Variants in RAD17 observed in about 807,000 individuals in gnomAD.
RAD17 encodes the protein cell cycle checkpoint protein RAD17.
RAD17 carries 31 observed loss-of-function variants against 81.5 expected under a neutral mutation model. That is an observed-to-expected ratio of 0.38 (90% CI 0.29 to 0.51). RAD17 has a LOEUF of 0.51. Among genes scored for constraint, RAD17 ranks in the 20% least tolerant of loss-of-function variants. The pLI is 0.88. For synonymous variants in RAD17, 261 were observed against 266.2 expected (o/e 0.98, Z 0.19); for missense variants, 681 against 781.2 (o/e 0.87, Z 1.53).
In RAD17 at chr5:69,414,628, TATC is replaced by T. The variant is rs774555518; in HGVS notation, c.*338_*340del. ...AAAAACGTTATTGGGGGGTTGTAAA[TATC>T]AACTATTCAACAGTTTAGGATGCAA... On this transcript the variant is annotated 3_prime_UTR_variant, in exon 19 of 19. Coordinates refer to ENST00000354868, the MANE Select transcript of RAD17 (RefSeq NM_133338.3). 4.8e-4 allele frequency: 165 copies of T among 343,816 alleles called. No individual in the cohort carries two copies. The highest frequency in any genetic ancestry group is 7.8e-4 in the Non-Finnish European group (146 of 187,060). The allele number at this position is 343,816 out of a possible 1,614,324, so 21.3% of individuals were successfully genotyped here. A position where few individuals can be genotyped will look rare whatever the true frequency, so the allele number is the denominator to read the frequency against.
chr5:69,411,940 C>T (rs1206870477), intron 18 of RAD17, among the ~76,000 whole-genome samples: 1 of 152,034 alleles, frequency 6.6e-6, no homozygotes, highest in African/African-American at 2.4e-5. Context: ...CTTGATGTGA[C>T]TTGAGAGGCA....
At chr5:69,400,016 T>G (rs985587358) in intron 16 of RAD17, 33 bp from the exon 17 acceptor site, 2 of 1,440,026 alleles carry the variant, frequency 1.4e-6, no homozygotes, top group African/African-American at 2.9e-5. Flanking sequence ...ATTTCATTTT[T>G]CCTTTCATCT....
chr5:69,413,410 G>T (rs1006712699), intron 18 of RAD17, among the ~76,000 whole-genome samples: 1 of 152,154 alleles, frequency 6.6e-6, no homozygotes, highest in Non-Finnish European at 1.5e-5. Context: ...CTGCACTCCT[G>T]CCTGGGCGAT....
chr5:69,393,020 A>G (rs1764640945), intron 13 of RAD17, 135 bp from the exon 14 acceptor site: 2 of 555,836 alleles, frequency 3.6e-6, no homozygotes, highest in Admixed American at 3.6e-5. Flanking sequence ...GTTGTTTTTT[A>G]TTTATTTATT....
Position 69,384,895 on chromosome 5 carries a change from G to A in RAD17, c.607G>A (p.Asp203Asn), listed in dbSNP as rs1201928184. ...GTATAACAAGTTACAAATGCTTGGA[G>A]ATGATCTGAGAACTGATAAGAAGAT... ...TKYNKLQMLG[D>N]DLRTDKKIIL... The change falls in exon 8 of 19, where the codon GAT becomes AAT. Residue 203 changes from aspartate (D) to asparagine (N), a missense_variant. Asp to Asn is a conservative substitution (Grantham distance 23). Transcript: ENST00000354868. 6.8e-6 allele frequency: 11 copies of A among 1,609,082 alleles called. No homozygotes were observed. The Admixed American group carries it at 1.7e-4, about 24-fold the overall frequency.
At chr5:69,370,882 G>C (rs1762927422) in intron 1 of RAD17, 153 bp from the exon 2 acceptor site, 1 of 231,584 alleles carries the variant, frequency 4.3e-6, no homozygotes, top group Non-Finnish European at 8.8e-6. Context: ...TTTTCTTCTG[G>C]CTAACTTAAA....
rs1052630638 is a variant in RAD17 at position 69,414,671 on chromosome 5, T to C, written c.*379T>C. ...TTAGGATGCAATTACGAGTGTAAAC[T>C]GTGTGCCTTATTTACACTTTATTGT... is the stretch of plus-strand genomic sequence containing the variant. On this transcript the variant is annotated 3_prime_UTR_variant, in exon 19 of 19. Coordinates refer to ENST00000354868, the MANE Select transcript of RAD17 (RefSeq NM_133338.3). The C allele has an allele frequency of 8.2e-6, 2 of 245,372 alleles. No individual in the cohort carries two copies. Among genetic ancestry groups the C allele is most frequent in the African/African-American group, 4.5e-5 (2 of 44,098 alleles). 15.2% of individuals were successfully genotyped at this position (245,372 alleles called of 1,614,324 possible).
At chr5:69,403,082 T>C (rs1259937748) in intron 17 of RAD17, among the ~76,000 whole-genome samples, 1 of 152,202 alleles carries the variant, frequency 6.6e-6, no homozygotes, top group Non-Finnish European at 1.5e-5. Context: ...CAAGCAATCC[T>C]CTTGCCTCAG....
At chr5:69,409,321 A>G (rs17236590) in intron 17 of RAD17, among the ~76,000 whole-genome samples, 150,201 of 152,202 alleles carry the variant, frequency 0.99, 74,117 homozygotes, top group East Asian at 1. Flanking sequence ...GAGTAGGGCC[A>G]GGTGGGGAAA....
At chr5:69,378,130 T>G (rs1763630314) in intron 6 of RAD17, among the ~76,000 whole-genome samples, 3 of 152,102 alleles carry the variant, frequency 2.0e-5, no homozygotes, top group Admixed American at 2.0e-4. Flanking sequence ...TTACAGAAGT[T>G]TCAGGGATGT....
At chr5:69,394,108 C>T (rs954583650) in intron 15 of RAD17, among the ~76,000 whole-genome samples, 4 of 144,600 alleles carry the variant, frequency 2.8e-5, no homozygotes, top group Non-Finnish European at 6.0e-5. Context: ...ACGCTGGAGT[C>T]CAGTGGTACA....
Position 69,414,527 on chromosome 5 carries a change from A to C in RAD17, c.*235A>C. 1 of 588,086 alleles carries C rather than the reference A, an allele frequency of 1.7e-6. No homozygotes were observed. Among genetic ancestry groups the C allele is most frequent in the South Asian group, 2.2e-5 (1 of 46,298 alleles). The allele number at this position is 588,086 out of a possible 1,614,324, so 36.4% of individuals were successfully genotyped here. A position where few individuals can be genotyped will look rare whatever the true frequency, so the allele number is the denominator to read the frequency against. On this transcript the variant is annotated 3_prime_UTR_variant, in exon 19 of 19. Coordinates refer to ENST00000354868, the MANE Select transcript of RAD17 (RefSeq NM_133338.3). ...ATTTATTAAATCTGTGAGTGGTTTA[A>C]GGAGCGGTCAGTGTGTATAAAGTGT...
At chr5:69,370,916 T>G (rs1762929957) in intron 1 of RAD17, 119 bp from the exon 2 acceptor site, 1 of 247,606 alleles carries the variant, frequency 4.0e-6, no homozygotes, top group African/African-American at 2.3e-5. Context: ...CTAGTTTGCA[T>G]AAACATTTAA....
At chr5:69,388,191 AT>A (rs17229985) in intron 11 of RAD17, among the ~76,000 whole-genome samples, 1 of 150,748 alleles carries the variant, frequency 6.6e-6, no homozygotes, top group East Asian at 1.9e-4. Flanking sequence ...CAAAACAAAA[AT>A]TTTTTTTTTA....
Position 69,414,445 on chromosome 5 carries a change from T to G in RAD17, c.*153T>G. The G allele has an allele frequency of 1.1e-6, 1 of 873,524 alleles. No individual in the cohort carries two copies. The highest frequency in any genetic ancestry group is 2.9e-5 in the Admixed American group (1 of 34,564). The allele number at this position is 873,524 out of a possible 1,614,324, so 54.1% of individuals were successfully genotyped here. A position where few individuals can be genotyped will look rare whatever the true frequency, so the allele number is the denominator to read the frequency against. ...TATTTCATCACAAGAAACCTACTCT[T>G]CTGTCATCTTGAAGTAAATAGAAGA... On this transcript the variant is annotated 3_prime_UTR_variant, in exon 19 of 19. Transcript: ENST00000354868.
intron 7 of RAD17, among the ~76,000 whole-genome samples, chr5:69,382,262 A>G (rs905834230): frequency 7.9e-5 from 12 of 152,134 alleles, no homozygotes; most frequent in African/African-American, 2.9e-4. Flanking sequence ...CAGGCTGGGC[A>G]ACATACAAAG....
At chr5:69,372,975 G>A (rs1209013933) in intron 4 of RAD17, among the ~76,000 whole-genome samples, 1 of 152,090 alleles carries the variant, frequency 6.6e-6, no homozygotes, top group East Asian at 1.9e-4. Context: ...AAAAATATTA[G>A]TTGCTTCATA....
chr5:69,405,432 C>T (rs548655578), intron 17 of RAD17, among the ~76,000 whole-genome samples: 3 of 150,590 alleles, frequency 2.0e-5, no homozygotes, highest in South Asian at 2.1e-4. Context: ...TTTGGGAGGC[C>T]GAGGTGGGTG....
intron 7 of RAD17, 93 bp from the exon 8 acceptor site, chr5:69,384,704 G>C: frequency 8.7e-7 from 1 of 1,147,724 alleles, no homozygotes; most frequent in African/African-American, 1.6e-5. Context: ...AGTATTGTGA[G>C]ATGCATCAAG....
Sources: allele counts gnomAD v4.1 joint callset (sites outside exome capture counted in the v4.1 genomes callset), GRCh38; gene constraint gnomAD v4.1.1; transcripts MANE v1.5; gene names NCBI Gene and HGNC (gene_info 2026-07-23, HGNC 2026-07-21).